Variants in EPG5 observed in about 807,000 individuals in gnomAD.
EPG5 encodes ectopic P granules protein 5 homolog.
In EPG5, 159 loss-of-function variants were observed where a neutral mutation model predicts 302.7. The ratio of observed to expected loss-of-function variants is 0.53; its 90% CI spans 0.46 to 0.60. The LOEUF is 0.60. EPG5 is among the 20% of genes least tolerant of loss of function. EPG5 has a pLI of 0.00. For missense variants in EPG5, 2,896 were observed against 3,092.4 expected (o/e 0.94, Z 1.51); for synonymous variants, 1,158 against 1,136.8 (o/e 1.02, Z -0.37).
At chr18:45,836,353 A>G in the EPG5 span, among the ~76,000 whole-genome samples, 1 of 152,152 alleles carries the variant, frequency 6.6e-6, no homozygotes, top group Non-Finnish European at 1.5e-5. Context: ...CTTTGGAACT[A>G]CAAGAGCTGC....
At chr18:45,855,304 C>T in intron 43 of EPG5, 1 of 332,856 alleles carries the variant, frequency 3.0e-6, no homozygotes, top group East Asian at 5.2e-5. Context: ...CATATTCACA[C>T]TTATCAGAAC....
At chr18:45,953,346 A>G in intron 2 of EPG5, 1 of 985,276 alleles carries the variant, frequency 1.0e-6, no homozygotes, top group South Asian at 4.7e-5. Context: ...CATTCTTCAT[A>G]GTTCTACTCA....
intron 35 of EPG5, among the ~76,000 whole-genome samples, chr18:45,871,575 T>G (rs1478431535): frequency 1.3e-5 from 2 of 152,226 alleles, no homozygotes; most frequent in Non-Finnish European, 2.9e-5. Context: ...GTGGTGTATA[T>G]ACACAATGGA....
chr18:45,879,938 G>C, intron 32 of EPG5, 137 bp downstream of exon 32: 1 of 943,018 alleles, frequency 1.1e-6, no homozygotes, highest in Non-Finnish European at 1.6e-6. Flanking sequence ...GGGACACGAG[G>C]GAACCAAAGC....
intron 29 of EPG5, 44 bp downstream of exon 29, chr18:45,887,707 G>C (rs992155101): frequency 1.4e-6 from 2 of 1,429,612 alleles, no homozygotes; most frequent in East Asian, 5.0e-5. Context: ...AGACACCGCA[G>C]AGACTCATTA....
chr18:45,811,815 G>C, the EPG5 span, among the ~76,000 whole-genome samples: 1 of 152,170 alleles, frequency 6.6e-6, no homozygotes, highest in African/African-American at 2.4e-5. Flanking sequence ...ATATCATACT[G>C]AGTGGGCAAA....
rs546578732 is a variant in EPG5 at position 45,911,554 on chromosome 18, A to C, written c.3983+736T>G. ...TGATCCACCCGCCTCGGCCTCCCAA[A>C]GTGCTGGGATTACAGGCGTGAGCCA... On this transcript the variant is annotated intron_variant, in intron 22 of 43. Coordinates refer to ENST00000282041, the MANE Select transcript of EPG5 (RefSeq NM_020964.3). Among the ~76,000 whole-genome samples, 4 of 151,962 alleles carry C rather than the reference A, an allele frequency of 2.6e-5. No homozygotes were observed. The South Asian group carries it at 6.2e-4, about 24-fold the overall frequency.
intron 25 of EPG5, among the ~76,000 whole-genome samples, chr18:45,903,175 G>A (rs1318181160): frequency 6.6e-6 from 1 of 151,894 alleles, no homozygotes; most frequent in African/African-American, 2.4e-5. Flanking sequence ...TTGGCTTGAG[G>A]GCAATTTTCA....
the EPG5 span, among the ~76,000 whole-genome samples, chr18:45,824,493 T>G: frequency 1.3e-5 from 2 of 152,330 alleles, no homozygotes; most frequent in African/African-American, 4.8e-5. Context: ...GGCGTGACAG[T>G]TGGAACTTTA....
intron 1 of EPG5, 120 bp downstream of exon 1, chr18:45,967,056 TG>T: frequency 1.1e-6 from 1 of 911,842 alleles, no homozygotes; most frequent in Non-Finnish European, 1.6e-6. Flanking sequence ...TATTGGAAGG[TG>T]GAGGCGGAAG....
chr18:45,838,758 G>A, the EPG5 span: 5 of 1,582,030 alleles, frequency 3.2e-6, no homozygotes, highest in Admixed American at 3.4e-5. Flanking sequence ...TGCCCAGTCC[G>A]GCTCACGCCT....
Position 45,870,634 on chromosome 18 carries a change from C to A in EPG5, c.6158G>T (p.Ser2053Ile). 1 of 1,613,996 alleles carries A rather than the reference C, an allele frequency of 6.2e-7. No individual in the cohort carries two copies. Among genetic ancestry groups the A allele is most frequent in the Non-Finnish European group, 8.5e-7 (1 of 1,179,962 alleles). The change falls in exon 36 of 44, where the codon AGC becomes ATC. Residue 2053 changes from serine (S) to isoleucine (I), a missense_variant. Transcript: ENST00000282041. ...CTTCCATGGCAGTTTCCGGTACGTG[C>A]TATGGAAAGCGTACAGAATGAACTC... is the stretch of plus-strand genomic sequence containing the variant. Reference protein sequence around the residue: ...MPEFILYAFHSTYRKLPWKDL... With the variant: ...MPEFILYAFHITYRKLPWKDL...
intron 16 of EPG5, among the ~76,000 whole-genome samples, chr18:45,921,174 A>G (rs2050147801): frequency 2.0e-5 from 3 of 152,216 alleles, no homozygotes; most frequent in Admixed American, 2.0e-4. Context: ...TCAACAACCC[A>G]AGGAAAGCTA....
chr18:45,946,597 A>C, intron 7 of EPG5, 66 bp downstream of exon 7: 2 of 1,232,628 alleles, frequency 1.6e-6, no homozygotes. Flanking sequence ...AGTGCTTAGA[A>C]CAATACTTGG....
At chr18:45,801,599 G>A in the EPG5 span, among the ~76,000 whole-genome samples, 1 of 152,152 alleles carries the variant, frequency 6.6e-6, no homozygotes, top group Non-Finnish European at 1.5e-5. Context: ...TGTGACAATT[G>A]CACAACACAC....
chr18:45,949,449 C>T lies in EPG5; in HGVS notation c.1497+35G>A, dbSNP rs185592026. 7.7e-4 allele frequency: 1,038 copies of T among 1,348,604 alleles called. 5 individuals carry two copies. The African/African-American group carries it at 0.013, about 17-fold the overall frequency. The allele number at this position is 1,348,604 out of a possible 1,614,324, so 83.5% of individuals were successfully genotyped here. Reference sequence around the variant, plus strand: ...AATAATGTCTAATAAAACCTCTCCCCCAACCCCTCAGAATGAGTTGATGAT... The same window carrying T: ...AATAATGTCTAATAAAACCTCTCCCTCAACCCCTCAGAATGAGTTGATGAT... On this transcript the variant is annotated intron_variant, in intron 5 of 43. Coordinates refer to ENST00000282041, the MANE Select transcript of EPG5 (RefSeq NM_020964.3).
chr18:45,861,921 A>G (rs750083766), intron 39 of EPG5, among the ~76,000 whole-genome samples: 39 of 152,242 alleles, frequency 2.6e-4, no homozygotes, highest in African/African-American at 8.9e-4. Flanking sequence ...CTGTCTTCCT[A>G]TATGTATCCT....
intron 12 of EPG5, 86 bp from the exon 13 acceptor site, chr18:45,929,095 C>T: frequency 7.5e-7 from 1 of 1,331,030 alleles, no homozygotes; most frequent in Non-Finnish European, 1.0e-6. Flanking sequence ...TCAAGCAAAG[C>T]AGAAAGAATC....
the EPG5 span, among the ~76,000 whole-genome samples, chr18:45,808,592 C>T: frequency 1.6e-4 from 24 of 152,206 alleles, no homozygotes; most frequent in East Asian, 3.9e-4. Context: ...TCAAACAAAA[C>T]AATTATCAAC....
Sources: allele counts gnomAD v4.1 joint callset (sites outside exome capture counted in the v4.1 genomes callset), GRCh38; gene constraint gnomAD v4.1.1; transcripts MANE v1.5; gene names NCBI Gene and HGNC (gene_info 2026-07-23, HGNC 2026-07-21).